The following PPARGC1A variants were observed in gnomAD, a reference collection of about 807,000 sequenced individuals.
The protein encoded by PPARGC1A is PPARG coactivator 1 alpha.
In PPARGC1A, 25 loss-of-function variants were observed where a neutral mutation model predicts 88.7. The observed-to-expected ratio is 0.28, with a 90% CI of 0.21 to 0.39. The LOEUF (loss-of-function observed/expected upper bound fraction) is 0.39. Ranked by LOEUF, PPARGC1A falls within the 10% of genes least tolerant of loss-of-function variation. The pLI is 1.00. For synonymous variants in PPARGC1A, 363 were observed against 355.6 expected (o/e 1.02, Z -0.24); for missense variants, 880 against 968.7 (o/e 0.91, Z 1.22).
At chr4:24,133,299 A>C in the PPARGC1A span, among the ~76,000 whole-genome samples, 2 of 152,190 alleles carry the variant, frequency 1.3e-5, no homozygotes, top group Admixed American at 1.3e-4. Flanking sequence ...AAACCAATGA[A>C]TATTTATGCC....
chr4:24,027,884 C>T, the PPARGC1A span, among the ~76,000 whole-genome samples: 9 of 152,084 alleles, frequency 5.9e-5, no homozygotes, highest in South Asian at 2.1e-4. Context: ...CGATCAGTGC[C>T]CATAATAATC....
chr4:24,176,958 C>G, the PPARGC1A span, among the ~76,000 whole-genome samples: 1 of 152,122 alleles, frequency 6.6e-6, no homozygotes, highest in Non-Finnish European at 1.5e-5. Flanking sequence ...TCCTTGAGGG[C>G]AGGGGTTGGG....
At chr4:24,027,209 G>A in the PPARGC1A span, among the ~76,000 whole-genome samples, 4 of 148,414 alleles carry the variant, frequency 2.7e-5, no homozygotes, top group Non-Finnish European at 4.5e-5. Context: ...GTGTGTGTGT[G>A]TGTGTGTGTC....
chr4:23,815,778 C>T (rs575245728), intron 7 of PPARGC1A, among the ~76,000 whole-genome samples: 9 of 152,094 alleles, frequency 5.9e-5, no homozygotes, highest in Non-Finnish European at 1.2e-4. Context: ...GTTTACAATA[C>T]ATTTTCTGTT....
chr4:24,069,961 C>A, the PPARGC1A span, among the ~76,000 whole-genome samples: 1 of 152,148 alleles, frequency 6.6e-6, no homozygotes, highest in East Asian at 1.9e-4. Context: ...AGCTGGAGTC[C>A]AATTTGGCTT....
chr4:24,135,436 G>T, the PPARGC1A span, among the ~76,000 whole-genome samples: 1 of 152,196 alleles, frequency 6.6e-6, no homozygotes, highest in East Asian at 1.9e-4. Flanking sequence ...GAGAGCCCTG[G>T]CAGGCCCCTG....
chr4:24,002,097 C>CAGAGAGAGAGAGAGAG, the PPARGC1A span, among the ~76,000 whole-genome samples: 16 of 125,376 alleles, frequency 1.3e-4, no homozygotes, highest in South Asian at 6.2e-4. Flanking sequence ...CACACACACA[C>CAGAGAGAGAGAGAGAG]AGAGAGAGAG....
At chr4:24,101,821 G>A in the PPARGC1A span, among the ~76,000 whole-genome samples, 2 of 152,122 alleles carry the variant, frequency 1.3e-5, no homozygotes, top group Admixed American at 6.6e-5. Context: ...TCATGGATTC[G>A]AAAAGCACAA....
the PPARGC1A span, among the ~76,000 whole-genome samples, chr4:24,398,343 A>C: frequency 6.6e-6 from 1 of 152,318 alleles, no homozygotes; most frequent in South Asian, 2.1e-4. Flanking sequence ...AATAATAGTT[A>C]ATTTATGGTG....
At chr4:24,135,589 T>C in the PPARGC1A span, among the ~76,000 whole-genome samples, 1 of 152,152 alleles carries the variant, frequency 6.6e-6, no homozygotes, top group Non-Finnish European at 1.5e-5. Flanking sequence ...CTAGTAGAGT[T>C]TGACTCCCTG....
chr4:23,801,987 C>T, intron 11 of PPARGC1A, 106 bp from the exon 12 acceptor site: 5 of 1,409,986 alleles, frequency 3.5e-6, no homozygotes, highest in Non-Finnish European at 4.9e-6. Context: ...GTCTGAGCCA[C>T]TGAATCCATT....
At chr4:23,991,702 T>G in the PPARGC1A span, among the ~76,000 whole-genome samples, 1 of 151,894 alleles carries the variant, frequency 6.6e-6, no homozygotes, top group Non-Finnish European at 1.5e-5. Context: ...ACAGCTTAAA[T>G]AAGTTGCTCA....
At chr4:24,003,637 A>G in the PPARGC1A span, among the ~76,000 whole-genome samples, 2 of 152,134 alleles carry the variant, frequency 1.3e-5, no homozygotes, top group Non-Finnish European at 2.9e-5. Context: ...GTAGAAGTGA[A>G]TTCCAGGAAT....
the PPARGC1A span, among the ~76,000 whole-genome samples, chr4:24,194,669 C>CAAACA: frequency 5.0e-5 from 2 of 40,170 alleles, no homozygotes; most frequent in African/African-American, 8.0e-5. Flanking sequence ...CACACACACA[C>CAAACA]CCCCATCAAG....
intron 2 of PPARGC1A, among the ~76,000 whole-genome samples, chr4:23,849,941 G>A (rs970564085): frequency 9.9e-5 from 15 of 150,862 alleles, no homozygotes; most frequent in South Asian, 2.1e-4. Context: ...CTGTAATGTC[G>A]TATAATTATT....
chr4:24,387,818 A>AAAGAG, the PPARGC1A span, among the ~76,000 whole-genome samples: 9 of 81,098 alleles, frequency 1.1e-4, 1 homozygote, highest in African/African-American at 4.3e-4. Context: ...GAAAGAAAGA[A>AAAGAG]AGAAAGAGAG....
At chr4:24,068,522 G>A in the PPARGC1A span, among the ~76,000 whole-genome samples, 1 of 152,190 alleles carries the variant, frequency 6.6e-6, no homozygotes, top group East Asian at 1.9e-4. Context: ...CTGGAGCATA[G>A]TAGGGGATGA....
chr4:24,287,171 G>C, the PPARGC1A span, among the ~76,000 whole-genome samples: 2 of 150,892 alleles, frequency 1.3e-5, no homozygotes, highest in Non-Finnish European at 2.9e-5. Flanking sequence ...CTACCTACTA[G>C]ATGCCAGTAT....
At chr4:24,092,507 A>C in the PPARGC1A span, among the ~76,000 whole-genome samples, 3 of 152,146 alleles carry the variant, frequency 2.0e-5, no homozygotes, top group African/African-American at 7.2e-5. Context: ...GCAGAGTATC[A>C]TTTCAAATTT....
Sources: gnomAD v4.1 joint callset for allele counts (sites outside exome capture counted in the v4.1 genomes callset) on GRCh38, gnomAD v4.1.1 for gene constraint, MANE v1.5 for transcripts, NCBI Gene and HGNC (gene_info 2026-07-23, HGNC 2026-07-21) for gene names.